VPS13B: variants seen among roughly 807,000 people sequenced by gnomAD.
VPS13B encodes the protein vacuolar protein sorting 13 homolog B.
In VPS13B, 285 loss-of-function variants were observed where a neutral mutation model predicts 426.4. That is an observed-to-expected ratio of 0.67 (90% CI 0.61 to 0.74). The LOEUF is 0.74. VPS13B is among the 30% of genes least tolerant of loss of function. VPS13B has a pLI of 0.00. For missense variants in VPS13B, 4,537 were observed against 4,782.6 expected (o/e 0.95, Z 1.51); for synonymous variants, 1,676 against 1,676.4 (o/e 1.00, Z 0.01).
At chr8:99,119,081 TTGTGG>T (rs1441275849) in intron 7 of VPS13B, among the ~76,000 whole-genome samples, 1 of 152,184 alleles carries the variant, frequency 6.6e-6, no homozygotes, top group Non-Finnish European at 1.5e-5. Context: ...GATGAGTGTG[TTGTGG>T]TATCTCATGG....
At chr8:99,219,831 C>G (rs1815603684) in intron 17 of VPS13B, among the ~76,000 whole-genome samples, 1 of 152,186 alleles carries the variant, frequency 6.6e-6, no homozygotes, top group Non-Finnish European at 1.5e-5. Context: ...AACATTCAAA[C>G]CATAGCAGGA....
intron 23 of VPS13B, among the ~76,000 whole-genome samples, chr8:99,453,496 T>A (rs1160755931): frequency 6.6e-6 from 1 of 152,232 alleles, no homozygotes; most frequent in Non-Finnish European, 1.5e-5. Flanking sequence ...ATATAATTGC[T>A]GTAGACATTA....
intron 7 of VPS13B, 114 bp from the exon 8 acceptor site, chr8:99,121,063 G>T (rs1171177343): frequency 1.1e-6 from 1 of 888,312 alleles, no homozygotes; most frequent in Non-Finnish European, 1.7e-6. Flanking sequence ...TGTATCATTT[G>T]TTTATACCTT....
intron 3 of VPS13B, among the ~76,000 whole-genome samples, chr8:99,055,338 C>A (rs547613012): frequency 7.9e-5 from 12 of 152,186 alleles, no homozygotes; most frequent in African/African-American, 2.9e-4. Context: ...CCATGCCTGG[C>A]CCTATTTTAT....
intron 17 of VPS13B, among the ~76,000 whole-genome samples, chr8:99,226,337 G>A (rs1237602668): frequency 6.6e-6 from 1 of 152,080 alleles, no homozygotes; most frequent in Admixed American, 6.5e-5. Context: ...AAATCCTTCA[G>A]ACTGCTTTAG....
chr8:99,820,912 T>G (rs1814321159), intron 49 of VPS13B, among the ~76,000 whole-genome samples: 1 of 152,054 alleles, frequency 6.6e-6, no homozygotes, highest in Admixed American at 6.6e-5. Context: ...TTGACCTATG[T>G]GGACCTAATG....
At chr8:99,768,857 A>T (rs1378535892) in intron 40 of VPS13B, among the ~76,000 whole-genome samples, 1 of 152,222 alleles carries the variant, frequency 6.6e-6, no homozygotes, top group Non-Finnish European at 1.5e-5. Flanking sequence ...CTCATCAGAA[A>T]CCAGGAAATC....
At chr8:99,530,356 T>G (rs927054358) in intron 30 of VPS13B, among the ~76,000 whole-genome samples, 1 of 152,120 alleles carries the variant, frequency 6.6e-6, no homozygotes, top group African/African-American at 2.4e-5. Flanking sequence ...GGCTGATGCC[T>G]GTAATCCCAG....
intron 19 of VPS13B, among the ~76,000 whole-genome samples, chr8:99,309,695 G>A (rs1469683435): frequency 6.6e-6 from 1 of 152,086 alleles, no homozygotes; most frequent in African/African-American, 2.4e-5. Flanking sequence ...GAACTTTAAA[G>A]TAGTTTTTTC....
chr8:99,026,389 T>G (rs1489936112), intron 2 of VPS13B, among the ~76,000 whole-genome samples: 1 of 152,220 alleles, frequency 6.6e-6, no homozygotes, highest in East Asian at 1.9e-4. Flanking sequence ...TTAAAATTTT[T>G]GGAGAATTTT....
Position 99,378,197 on chromosome 8 carries a change from G to C in VPS13B, c.2825-6011G>C, listed in dbSNP as rs538483250. Among the ~76,000 whole-genome samples, 10 of 140,162 alleles carry C rather than the reference G, an allele frequency of 7.1e-5. No homozygotes were observed. In the South Asian group the frequency reaches 2.2e-3, roughly 31 times the overall value. The allele number at this position is 140,162 out of a possible 152,430, so 92.0% of individuals were successfully genotyped here. ...TTAATTATTAATATTCCTTACTGGG[G>C]AAATAATTCAGTGATATTCCTCTTA... On this transcript the variant is annotated intron_variant, in intron 19 of 61. Coordinates refer to ENST00000357162, the MANE Select transcript of VPS13B (RefSeq NM_152564.5).
intron 34 of VPS13B, among the ~76,000 whole-genome samples, chr8:99,644,898 G>T (rs563759866): frequency 6.6e-6 from 1 of 152,124 alleles, no homozygotes; most frequent in African/African-American, 2.4e-5. Context: ...CTGCTTTAAC[G>T]CATTATCTCA....
intron 25 of VPS13B, among the ~76,000 whole-genome samples, chr8:99,482,234 C>G (rs935728125): frequency 1.3e-5 from 2 of 152,104 alleles, no homozygotes; most frequent in African/African-American, 4.8e-5. Context: ...GCCCTCTCCT[C>G]TTCCTCCCAA....
chr8:99,873,515 G>A (rs563992867), intron 61 of VPS13B, among the ~76,000 whole-genome samples: 1 of 152,276 alleles, frequency 6.6e-6, no homozygotes, highest in East Asian at 1.9e-4. Flanking sequence ...CTGAGAGCAG[G>A]AGCACTGTGC....
At chr8:99,554,819 C>A (rs560977629) in intron 30 of VPS13B, among the ~76,000 whole-genome samples, 20 of 152,050 alleles carry the variant, frequency 1.3e-4, no homozygotes, top group Non-Finnish European at 2.8e-4. Context: ...CTTCATACCC[C>A]CACTGTCATT....
intron 30 of VPS13B, among the ~76,000 whole-genome samples, chr8:99,536,015 TCTTG>T (rs1823197388): frequency 6.6e-6 from 1 of 151,620 alleles, no homozygotes; most frequent in Non-Finnish European, 1.5e-5. Context: ...AATGGCACGA[TCTTG>T]GCTCACTGCA....
chr8:99,214,026 A>G (rs1417139370), intron 17 of VPS13B, among the ~76,000 whole-genome samples: 1 of 152,168 alleles, frequency 6.6e-6, no homozygotes, highest in African/African-American at 2.4e-5. Flanking sequence ...AATTTTTTAA[A>G]AAGTTATTAT....
chr8:99,095,311 C>CT lies in VPS13B; in HGVS notation c.292-1000dup, dbSNP rs147965337. Among the ~76,000 whole-genome samples the CT allele has an allele frequency of 1.5e-3, 226 of 152,276 alleles. 1 individual carries two copies. Among genetic ancestry groups the CT allele is most frequent in the African/African-American group, 5.2e-3 (215 of 41,568 alleles). ...CCTTTAACTTCTTCCATCTTAGACA[C>CT]TGTATACTCTGGCCTTATTTGACTA... On this transcript the variant is annotated intron_variant, in intron 3 of 61. Transcript: ENST00000357162.
At chr8:99,549,941 TGGGTCA>T (rs1824190221) in intron 30 of VPS13B, among the ~76,000 whole-genome samples, 1 of 152,152 alleles carries the variant, frequency 6.6e-6, no homozygotes, top group South Asian at 2.1e-4. Context: ...CTCCCAAGTC[TGGGTCA>T]GGTGTCCCTT....
Sources: allele counts gnomAD v4.1 joint callset (sites outside exome capture counted in the v4.1 genomes callset), GRCh38; gene constraint gnomAD v4.1.1; transcripts MANE v1.5; gene names NCBI Gene and HGNC (gene_info 2026-07-23, HGNC 2026-07-21).